MFHAS1: variants seen among roughly 807,000 people sequenced by gnomAD.
The protein encoded by MFHAS1 is malignant fibrous histiocytoma-amplified sequence 1.
MFHAS1 carries 50 observed loss-of-function variants against 70.4 expected under a neutral mutation model. The observed-to-expected ratio is 0.71, with a 90% CI of 0.57 to 0.90. The LOEUF is 0.90. MFHAS1 is among the 40% of genes least tolerant of loss of function. The pLI, the probability that MFHAS1 is intolerant of heterozygous loss-of-function variation, is 0.00. For missense variants in MFHAS1, 1,795 were observed against 1,347.6 expected, an observed-to-expected ratio of 1.33 and a Z score of -5.20; for synonymous variants, 952 against 620.0, an observed-to-expected ratio of 1.54 and a Z score of -7.96.
intron 1 of MFHAS1, among the ~76,000 whole-genome samples, chr8:8,863,417 A>C (rs921912253): frequency 6.6e-6 from 1 of 152,118 alleles, no homozygotes; most frequent in African/African-American, 2.4e-5. Context: ...TGCCAGTGGG[A>C]CTTCAAAGGC....
chr8:8,811,152 G>A (rs1281516022), intron 1 of MFHAS1, among the ~76,000 whole-genome samples: 1 of 151,954 alleles, frequency 6.6e-6, no homozygotes, highest in Admixed American at 6.6e-5. Context: ...CCCTACCCAA[G>A]TGTCATCCGC....
At position 8,854,115 on chromosome 8, in the gene MFHAS1, C is replaced by T. The variant is rs143550322; in HGVS notation, c.2998+35946G>A. On this transcript the variant is annotated intron_variant, in intron 1 of 2. Transcript: ENST00000276282. ...GCCCAATTTACAAAACAAAAATATA[C>T]GCTGGGTGTGGTGGCTCACAGCTGT... Among the ~76,000 whole-genome samples the T allele has an allele frequency of 3.0e-3, 452 of 152,228 alleles. 2 individuals are homozygous for T. Among genetic ancestry groups the T allele is most frequent in the African/African-American group, 0.01 (430 of 41,546 alleles).
At position 8,785,374 on chromosome 8, in the gene MFHAS1, G is replaced by A. The variant is rs1009476326; in HGVS notation, c.*648C>T. 3.6e-4 allele frequency: 35 copies of A among 96,292 alleles called. No individual in the cohort carries two copies. The highest frequency in any genetic ancestry group is 2.8e-3 in the Admixed American group (21 of 7,482). The allele number at this position is 96,292 out of a possible 1,614,324, so 6.0% of individuals were successfully genotyped here. A position where few individuals can be genotyped will look rare whatever the true frequency, so the allele number is the denominator to read the frequency against. On this transcript the variant is annotated 3_prime_UTR_variant, in exon 3 of 3. Coordinates refer to ENST00000276282, the MANE Select transcript of MFHAS1 (RefSeq NM_004225.3). ...TCTATGAACCAACACTTAATCCATG[G>A]GCTAACAGAGAGATTTTTTTTTTAA...
At chr8:8,845,378 T>C (rs1807994368) in intron 1 of MFHAS1, among the ~76,000 whole-genome samples, 1 of 152,316 alleles carries the variant, frequency 6.6e-6, no homozygotes, top group South Asian at 2.1e-4. Context: ...TCCTTTTCAG[T>C]AATATTAGCA....
intron 1 of MFHAS1, among the ~76,000 whole-genome samples, chr8:8,878,718 G>C (rs953466276): frequency 6.6e-6 from 1 of 151,822 alleles, no homozygotes; most frequent in Admixed American, 6.6e-5. Context: ...GAGTGAGGAG[G>C]AAGGGAGGGA....
At chr8:8,829,545 G>C (rs930750514) in intron 1 of MFHAS1, among the ~76,000 whole-genome samples, 1 of 152,110 alleles carries the variant, frequency 6.6e-6, no homozygotes, top group African/African-American at 2.4e-5. Context: ...GCCAAGCAAG[G>C]TGGCAGGCAC....
At chr8:8,869,230 A>T (rs1239527027) in intron 1 of MFHAS1, among the ~76,000 whole-genome samples, 1 of 152,216 alleles carries the variant, frequency 6.6e-6, no homozygotes, top group African/African-American at 2.4e-5. Flanking sequence ...TGCACAGAAC[A>T]GGATAGCAAA....
chr8:8,797,909 C>T (rs1271947488), intron 1 of MFHAS1, among the ~76,000 whole-genome samples: 1 of 152,042 alleles, frequency 6.6e-6, no homozygotes, highest in Non-Finnish European at 1.5e-5. Context: ...TCAAGCAGAC[C>T]ACAGCAACCA....
intron 1 of MFHAS1, among the ~76,000 whole-genome samples, chr8:8,878,515 A>T (rs935549593): frequency 2.0e-5 from 3 of 152,198 alleles, no homozygotes; most frequent in Non-Finnish European, 4.4e-5. Context: ...TGATGTGATG[A>T]TTAACACAAT....
chr8:8,815,030 A>C (rs1022901298), intron 1 of MFHAS1, among the ~76,000 whole-genome samples: 3 of 151,804 alleles, frequency 2.0e-5, no homozygotes, highest in African/African-American at 4.8e-5. Context: ...ACCGCCCCCC[A>C]CACAGGCCCC....
At chr8:8,861,148 T>G (rs1288669770) in intron 1 of MFHAS1, among the ~76,000 whole-genome samples, 1 of 152,202 alleles carries the variant, frequency 6.6e-6, no homozygotes, top group African/African-American at 2.4e-5. Flanking sequence ...TAGACATATA[T>G]AAAACATCTA....
At chr8:8,790,794 G>A (rs932013154) in intron 2 of MFHAS1, among the ~76,000 whole-genome samples, 3 of 152,156 alleles carry the variant, frequency 2.0e-5, no homozygotes, top group African/African-American at 4.8e-5. Context: ...CTGTTTATTT[G>A]GTGATATAAA....
chr8:8,822,993 C>G (rs1382552214), intron 1 of MFHAS1, among the ~76,000 whole-genome samples: 1 of 152,086 alleles, frequency 6.6e-6, no homozygotes, highest in African/African-American at 2.4e-5. Flanking sequence ...CATGGGATCC[C>G]GCACAGAGGA....
Position 8,808,298 on chromosome 8 carries a change from C to A in MFHAS1, c.2999-10807G>T, listed in dbSNP as rs569571003. Among the ~76,000 whole-genome samples, 24 of 152,118 alleles carry A rather than the reference C, an allele frequency of 1.6e-4. No homozygotes were observed. The Middle Eastern group carries it at 0.01, about 65-fold the overall frequency. On this transcript the variant is annotated intron_variant, in intron 1 of 2. Transcript: ENST00000276282. ...AACCCTCCTCTGCCCAGTGTCCCCA[C>A]ACTGTAGACGCTCCCCTGGGAACCC...
chr8:8,891,978 A>C lies in MFHAS1; in HGVS notation c.1081T>G (p.Phe361Val). 6.2e-7 allele frequency: 1 copy of C among 1,612,978 alleles called. No individual in the cohort carries two copies. The highest frequency in any genetic ancestry group is 8.5e-7 in the Non-Finnish European group (1 of 1,179,576). Residue 361 changes from phenylalanine to valine, a missense_variant, in exon 1 of 3, where the codon TTT (phenylalanine) becomes GTT (valine). Coordinates refer to ENST00000276282, the MANE Select transcript of MFHAS1 (RefSeq NM_004225.3). The surrounding 1 kb of genome is among the most constrained non-coding windows in gnomAD (Gnocchi z 5.4). The part of the protein sequence containing the change: ...GNQIAVLPDH[F>V]GQLSRVGLWK... ...AAACCCACCCGGGAGAGCTGGCCAA[A>C]GTGGTCGGGCAGCACCGCGATCTGG...
In MFHAS1 at chr8:8,844,055, T is replaced by C. The variant is rs563353706; in HGVS notation, c.2998+46006A>G. On this transcript the variant is annotated intron_variant, in intron 1 of 2. Coordinates refer to ENST00000276282, the MANE Select transcript of MFHAS1 (RefSeq NM_004225.3). ...AAAGGCACAGAAACGCAAATTCTAA[T>C]CCTTTTGAAAAGAATGACAGATGGA... is the stretch of plus-strand genomic sequence containing the variant. Among the ~76,000 whole-genome samples, 9 of 152,306 alleles carry C rather than the reference T, an allele frequency of 5.9e-5. No individual in the cohort carries two copies. The South Asian group carries it at 1.7e-3, about 28-fold the overall frequency.
chr8:8,810,498 TTCCTCC>T (rs759100733), intron 1 of MFHAS1, among the ~76,000 whole-genome samples: 12 of 152,202 alleles, frequency 7.9e-5, no homozygotes, highest in Non-Finnish European at 1.6e-4. Flanking sequence ...ACCCCTCCTC[TTCCTCC>T]TCCTCAGCTC....
intron 1 of MFHAS1, among the ~76,000 whole-genome samples, chr8:8,872,098 C>G (rs930547435): frequency 1.3e-5 from 2 of 152,204 alleles, no homozygotes; most frequent in South Asian, 4.1e-4. Context: ...CATTATAAAA[C>G]GATCTGTGTA....
chr8:8,859,340 T>C (rs1471071302), intron 1 of MFHAS1, among the ~76,000 whole-genome samples: 1 of 152,140 alleles, frequency 6.6e-6, no homozygotes, highest in East Asian at 1.9e-4. Context: ...CAAGACTCTG[T>C]GCCCCTCACA....
Sources: gnomAD v4.1 joint callset for allele counts (sites outside exome capture counted in the v4.1 genomes callset) on GRCh38, gnomAD v4.1.1 for gene constraint, Gnocchi (gnomAD v3.1) non-coding constraint, MANE v1.5 for transcripts, NCBI Gene and HGNC (gene_info 2026-07-23, HGNC 2026-07-21) for gene names.